Variants in SLC8A1 observed in about 807,000 individuals in gnomAD.
SLC8A1 encodes the protein solute carrier family 8 member A1.
A neutral mutation model predicts 68.3 loss-of-function variants in SLC8A1; 18 were observed. The ratio of observed to expected loss-of-function variants is 0.26; its 90% CI spans 0.18 to 0.39. The LOEUF is 0.39. Among genes scored for constraint, SLC8A1 ranks in the 10% least tolerant of loss-of-function variants. The pLI, the probability that SLC8A1 is intolerant of heterozygous loss-of-function variation, is 1.00. For missense variants in SLC8A1, 985 were observed against 1,156.7 expected (o/e 0.85, Z 2.15); for synonymous variants, 475 against 415.5 (o/e 1.14, Z -1.74).
intron 2 of SLC8A1, among the ~76,000 whole-genome samples, chr2:40,238,434 A>T (rs1180040590): frequency 1.1e-4 from 1 of 9,016 alleles, no homozygotes; most frequent in African/African-American, 4.8e-4. Context: ...TGCACTTCCC[A>T]AGTGAGGCAA....
intron 2 of SLC8A1, among the ~76,000 whole-genome samples, chr2:40,279,920 C>T (rs1575028963): frequency 6.6e-6 from 1 of 152,136 alleles, no homozygotes; most frequent in East Asian, 1.9e-4. Context: ...ATCTATTAAA[C>T]TTTTAAAAAT....
intron 1 of SLC8A1, among the ~76,000 whole-genome samples, chr2:40,469,934 A>G (rs376792931): frequency 2.2e-4 from 34 of 152,216 alleles, no homozygotes; most frequent in African/African-American, 5.3e-4. Context: ...CTAATCCTTT[A>G]TTTCCTTGGT....
chr2:40,125,585 G>C (rs2037907844), intron 7 of SLC8A1, among the ~76,000 whole-genome samples: 2 of 152,198 alleles, frequency 1.3e-5, no homozygotes, highest in South Asian at 4.2e-4. Flanking sequence ...TTTACTAACA[G>C]TATGTTTTAG....
chr2:40,204,391 T>G (rs1209439019), intron 2 of SLC8A1, among the ~76,000 whole-genome samples: 1 of 152,014 alleles, frequency 6.6e-6, no homozygotes, highest in East Asian at 1.9e-4. Flanking sequence ...AGATTATGTT[T>G]CCACCCCAGT....
At chr2:40,252,489 A>G (rs2062915702) in intron 2 of SLC8A1, among the ~76,000 whole-genome samples, 1 of 152,012 alleles carries the variant, frequency 6.6e-6, no homozygotes, top group Non-Finnish European at 1.5e-5. Context: ...CCCGCCACCA[A>G]GCCCAACTAA....
At chr2:40,464,857 G>A (rs1313754170) in intron 1 of SLC8A1, among the ~76,000 whole-genome samples, 1 of 152,162 alleles carries the variant, frequency 6.6e-6, no homozygotes, top group Admixed American at 6.5e-5. Flanking sequence ...GTCCATCTCA[G>A]TGGGGACAGT....
rs556562430 is a variant in SLC8A1, at chr2:40,300,428, C to G, written c.1809-122573G>C. Among the ~76,000 whole-genome samples the G allele has an allele frequency of 5.6e-4, 85 of 152,226 alleles. 2 individuals carry two copies. In the South Asian group the frequency reaches 8.9e-3, roughly 16 times the overall value. ...CTTTAGAAGTTCGAGTGTTTAAAAT[C>G]CAGAATGTTCCATTCCATAAAAAAA... On this transcript the variant is annotated intron_variant, in intron 2 of 7. Transcript: ENST00000406785.
At chr2:40,112,492 A>G (rs2125056755) in exon 8 of SLC8A1, 1 of 152,746 alleles carries the variant, frequency 6.5e-6, no homozygotes, top group East Asian at 1.9e-4. Context: ...AAATCGACCA[A>G]TGCAAGAATT....
chr2:40,401,734 C>A (rs1352551170), intron 2 of SLC8A1, among the ~76,000 whole-genome samples: 1 of 151,604 alleles, frequency 6.6e-6, no homozygotes, highest in African/African-American at 2.4e-5. Flanking sequence ...AATACTATAT[C>A]CCAAGTTTAT....
intron 2 of SLC8A1, among the ~76,000 whole-genome samples, chr2:40,239,180 G>A (rs1176146049): frequency 6.6e-6 from 1 of 152,140 alleles, no homozygotes; most frequent in African/African-American, 2.4e-5. Context: ...TGTCAATCAT[G>A]CAAAAAGGGG....
At chr2:40,319,656 T>C (rs752194101) in intron 2 of SLC8A1, among the ~76,000 whole-genome samples, 1 of 152,142 alleles carries the variant, frequency 6.6e-6, no homozygotes, top group African/African-American at 2.4e-5. Flanking sequence ...CTCCTCCTTA[T>C]GTTAGGCATG....
In SLC8A1 at chr2:40,378,950, T is replaced by C. The variant is rs145617364; in HGVS notation, c.1808+49523A>G. ...AAGTTGTATTCATGCTAGGCATTTA[T>C]CACCACTTTACAATGCACTATTTAT... On this transcript the variant is annotated intron_variant, in intron 2 of 7. Coordinates refer to ENST00000406785, the Ensembl canonical transcript of SLC8A1. 2.2e-4 allele frequency among the ~76,000 whole-genome samples: 33 copies of C among 152,236 alleles called. 1 individual carries two copies. Among genetic ancestry groups the C allele is most frequent in the Non-Finnish European group, 4.9e-4 (33 of 68,014 alleles).
chr2:40,215,643 C>CAAAAAAAAAAAAAAAAAAAA (rs56191722), intron 2 of SLC8A1, among the ~76,000 whole-genome samples: 1 of 69,926 alleles, frequency 1.4e-5, no homozygotes, highest in African/African-American at 5.7e-5. Context: ...GACTCCGTCT[C>CAAAAAAAAAAAAAAAAAAAA]AAAAAAAAAA....
intron 2 of SLC8A1, among the ~76,000 whole-genome samples, chr2:40,287,622 A>ATGTGTGTGTGTGTGTGTGTGTGTGTG (rs1553475996): frequency 5.6e-5 from 4 of 72,064 alleles, no homozygotes; most frequent in Non-Finnish European, 8.4e-5. Flanking sequence ...GTGTGTGTGC[A>ATGTGTGTGTGTGTGTGTGTGTGTGTG]TGCAGGGACA....
At chr2:40,129,774 T>C (rs990061624) in intron 7 of SLC8A1, among the ~76,000 whole-genome samples, 8 of 152,164 alleles carry the variant, frequency 5.3e-5, no homozygotes, top group African/African-American at 7.2e-5. Context: ...CAGCATGATG[T>C]TTCTACCAAG....
intron 2 of SLC8A1, among the ~76,000 whole-genome samples, chr2:40,233,752 C>G (rs1435045798): frequency 6.6e-6 from 1 of 151,532 alleles, no homozygotes; most frequent in African/African-American, 2.4e-5. Context: ...AGTCTTTAAT[C>G]CATCTTGAAC....
At chr2:40,161,275 T>G (rs1421886964) in intron 5 of SLC8A1, among the ~76,000 whole-genome samples, 1 of 152,122 alleles carries the variant, frequency 6.6e-6, no homozygotes, top group Non-Finnish European at 1.5e-5. Context: ...AGTGACAGAT[T>G]ATGGAACCAA....
At chr2:40,264,502 A>G (rs1256174063) in intron 2 of SLC8A1, among the ~76,000 whole-genome samples, 3 of 152,176 alleles carry the variant, frequency 2.0e-5, no homozygotes, top group African/African-American at 7.2e-5. Flanking sequence ...CATATACACC[A>G]TGGAATACTA....
intron 2 of SLC8A1, among the ~76,000 whole-genome samples, chr2:40,248,183 G>T (rs189986636): frequency 6.6e-6 from 1 of 152,274 alleles, no homozygotes; most frequent in South Asian, 2.1e-4. Flanking sequence ...CTCAACTATG[G>T]ATTAAAAATA....
Sources: allele counts gnomAD v4.1 joint callset (sites outside exome capture counted in the v4.1 genomes callset), GRCh38; gene constraint gnomAD v4.1.1; transcripts MANE v1.5; gene names NCBI Gene and HGNC (gene_info 2026-07-23, HGNC 2026-07-21).